DOP1B: variants seen among roughly 807,000 people sequenced by gnomAD.
DOP1B encodes the protein protein DOP1B.
DOP1B carries 174 observed loss-of-function variants against 233.5 expected under a neutral mutation model. That is an observed-to-expected ratio of 0.75 (90% CI 0.66 to 0.85). The LOEUF is 0.85. Ranked by LOEUF, DOP1B falls within the 40% of genes least tolerant of loss-of-function variation. The pLI, the probability that DOP1B is intolerant of heterozygous loss-of-function variation, is 0.00. For missense variants in DOP1B, 2,652 were observed against 2,846.6 expected, an observed-to-expected ratio of 0.93 and a Z score of 1.56; for synonymous variants, 1,190 against 1,185.6, an observed-to-expected ratio of 1.00 and a Z score of -0.08.
intron 1 of DOP1B, among the ~76,000 whole-genome samples, chr21:36,161,214 GA>G (rs1443897615): frequency 6.6e-6 from 1 of 151,862 alleles, no homozygotes; most frequent in African/African-American, 2.4e-5. Flanking sequence ...GGTGCGATCT[GA>G]GCCCACTGCA....
At chr21:36,292,485 C>A (rs1407434307) in intron 36 of DOP1B, among the ~76,000 whole-genome samples, 1 of 152,066 alleles carries the variant, frequency 6.6e-6, no homozygotes, top group Non-Finnish European at 1.5e-5. Flanking sequence ...AGTGCAGTGG[C>A]ACAACCTCAG....
intron 1 of DOP1B, among the ~76,000 whole-genome samples, chr21:36,164,196 A>G (rs1209312953): frequency 2.0e-5 from 3 of 152,154 alleles, no homozygotes; most frequent in African/African-American, 4.8e-5. Flanking sequence ...ATACATCCCA[A>G]TAGTCCCAGC....
chr21:36,231,205 C>G, intron 14 of DOP1B, 71 bp downstream of exon 14: 1 of 1,496,452 alleles, frequency 6.7e-7, no homozygotes, highest in Non-Finnish European at 9.0e-7. Flanking sequence ...GGTGGAATAT[C>G]CCCTATCCAC....
At chr21:36,269,962 C>A in intron 26 of DOP1B, 51 bp from the exon 27 acceptor site, 1 of 1,597,442 alleles carries the variant, frequency 6.3e-7, no homozygotes, top group Non-Finnish European at 8.6e-7. Flanking sequence ...AGGCACTTAA[C>A]ATTCTTTTCC....
At chr21:36,165,407 T>C (rs1250208614) in intron 2 of DOP1B, among the ~76,000 whole-genome samples, 1 of 152,106 alleles carries the variant, frequency 6.6e-6, no homozygotes, top group Non-Finnish European at 1.5e-5. Context: ...TGTGTGTGTG[T>C]GCATGTGTGT....
chr21:36,278,482 C>A, intron 30 of DOP1B, 127 bp downstream of exon 30: 1 of 954,540 alleles, frequency 1.0e-6, no homozygotes, highest in Non-Finnish European at 1.5e-6. Flanking sequence ...ACAGGACGTC[C>A]CTGTCACAGG....
At chr21:36,165,782 C>T (rs541240636) in intron 2 of DOP1B, among the ~76,000 whole-genome samples, 1 of 151,110 alleles carries the variant, frequency 6.6e-6, no homozygotes, top group East Asian at 2.0e-4. Flanking sequence ...ATGGCGCAAC[C>T]TTGGCTGACT....
intron 26 of DOP1B, among the ~76,000 whole-genome samples, chr21:36,267,130 G>A (rs758130311): frequency 2.0e-5 from 3 of 152,202 alleles, no homozygotes; most frequent in East Asian, 1.9e-4. Context: ...ATAGCCACTC[G>A]TAGCTGGTGA....
chr21:36,206,552 C>A (rs535373261), intron 4 of DOP1B, among the ~76,000 whole-genome samples: 96 of 151,012 alleles, frequency 6.4e-4, no homozygotes, highest in African/African-American at 2.3e-3. Context: ...AAAATTATTT[C>A]TTTAATAGAA....
At chr21:36,181,574 C>T (rs114474421) in intron 2 of DOP1B, among the ~76,000 whole-genome samples, 3,075 of 152,334 alleles carry the variant, frequency 0.02, 72 homozygotes, top group African/African-American at 0.066. Context: ...CCACCACGCC[C>T]GGCCCAGGAC....
intron 1 of DOP1B, among the ~76,000 whole-genome samples, chr21:36,158,815 A>G (rs8128751): frequency 7.5e-5 from 11 of 146,632 alleles, no homozygotes; most frequent in African/African-American, 5.1e-5. Context: ...AAAAAAAAAA[A>G]AAAGAAAAGA....
chr21:36,248,795 C>T (rs1280654183), intron 21 of DOP1B, among the ~76,000 whole-genome samples: 1 of 152,094 alleles, frequency 6.6e-6, no homozygotes, highest in Non-Finnish European at 1.5e-5. Flanking sequence ...TTCCATTCAC[C>T]TTATTTTGTA....
chr21:36,280,176 A>G, intron 30 of DOP1B, 109 bp from the exon 31 acceptor site: 3 of 790,970 alleles, frequency 3.8e-6, no homozygotes, highest in Non-Finnish European at 5.9e-6. Context: ...CACCTGGCCC[A>G]GAAAGCAGTT....
intron 22 of DOP1B, among the ~76,000 whole-genome samples, chr21:36,252,381 C>T (rs1463079738): frequency 6.7e-6 from 1 of 149,964 alleles, no homozygotes; most frequent in African/African-American, 2.5e-5. Flanking sequence ...TCACTTGAAG[C>T]CAGGAATATG....
intron 31 of DOP1B, 99 bp downstream of exon 31, chr21:36,280,445 A>C (rs2067402682): frequency 6.2e-6 from 5 of 808,252 alleles, no homozygotes; most frequent in Non-Finnish European, 1.0e-5. Context: ...TCACACTTTC[A>C]TGGTGCTGTC....
chr21:36,291,212 G>A (rs1021546183), intron 35 of DOP1B, among the ~76,000 whole-genome samples: 12 of 149,610 alleles, frequency 8.0e-5, no homozygotes, highest in African/African-American at 3.0e-4. Flanking sequence ...AGTGAACCGA[G>A]ATCGCACCAC....
At chr21:36,178,592 A>C (rs945811644) in intron 2 of DOP1B, among the ~76,000 whole-genome samples, 1 of 152,154 alleles carries the variant, frequency 6.6e-6, no homozygotes, top group Admixed American at 6.5e-5. Flanking sequence ...GGGAGAAGTA[A>C]ATTTCTGTTG....
intron 1 of DOP1B, among the ~76,000 whole-genome samples, chr21:36,160,087 G>T (rs376891870): frequency 6.6e-6 from 1 of 151,944 alleles, no homozygotes; most frequent in Non-Finnish European, 1.5e-5. Context: ...GGAGTATTGC[G>T]GTGGTTTAGA....
chr21:36,270,254 A>G (rs1441394995), intron 27 of DOP1B, 97 bp downstream of exon 27: 7 of 1,416,370 alleles, frequency 4.9e-6, no homozygotes, highest in Non-Finnish European at 6.7e-6. Context: ...ACAAAAAGAA[A>G]GAAAGTACTT....
Sources: allele counts gnomAD v4.1 joint callset (sites outside exome capture counted in the v4.1 genomes callset), GRCh38; gene constraint gnomAD v4.1.1; transcripts MANE v1.5; gene names NCBI Gene and HGNC (gene_info 2026-07-23, HGNC 2026-07-21).